AFF1: variants seen among roughly 807,000 people sequenced by gnomAD.
AFF1 encodes ALF transcription elongation factor 1.
In AFF1, 48 loss-of-function variants were observed where a neutral mutation model predicts 121.7. The ratio of observed to expected loss-of-function variants is 0.39; its 90% CI spans 0.31 to 0.50. AFF1 has a LOEUF of 0.50. Among genes scored for constraint, AFF1 ranks in the 20% least tolerant of loss-of-function variants. The probability of loss-of-function intolerance (pLI) is 0.76; values close to 1 mark genes in which losing one functional copy is unlikely to be tolerated. For missense variants in AFF1, 1,523 were observed against 1,511.7 expected, an observed-to-expected ratio of 1.01 and a Z score of -0.12; for synonymous variants, 613 against 563.0, an observed-to-expected ratio of 1.09 and a Z score of -1.26.
intron 2 of AFF1, among the ~76,000 whole-genome samples, chr4:86,989,757 C>G (rs1036811953): frequency 6.6e-6 from 1 of 152,098 alleles, no homozygotes; most frequent in Non-Finnish European, 1.5e-5. Context: ...TTCACAATAG[C>G]AAAGACTTGG....
intron 4 of AFF1, among the ~76,000 whole-genome samples, chr4:87,054,271 T>A (rs1173240377): frequency 6.6e-6 from 1 of 152,156 alleles, no homozygotes; most frequent in Non-Finnish European, 1.5e-5. Flanking sequence ...CACAGGGAGC[T>A]ACAGGGGCCC....
chr4:86,949,359 C>T (rs1390981232), intron 2 of AFF1, among the ~76,000 whole-genome samples: 5 of 150,294 alleles, frequency 3.3e-5, no homozygotes, highest in African/African-American at 1.2e-4. Context: ...AGGTGATCCC[C>T]CTGCCTCGGC....
chr4:87,045,366 A>G (rs563012250), intron 2 of AFF1, among the ~76,000 whole-genome samples: 10 of 151,758 alleles, frequency 6.6e-5, no homozygotes, highest in East Asian at 5.9e-4. Flanking sequence ...GGTGCTGACA[A>G]TGAGGCAGGT....
intron 2 of AFF1, among the ~76,000 whole-genome samples, chr4:87,029,725 A>C (rs1165028386): frequency 2.0e-5 from 3 of 152,088 alleles, no homozygotes; most frequent in Non-Finnish European, 2.9e-5. Context: ...TTGTAGTGTT[A>C]AGTCCGTTAT....
intron 11 of AFF1, among the ~76,000 whole-genome samples, chr4:87,108,703 A>G (rs1726174463): frequency 6.6e-6 from 1 of 152,236 alleles, no homozygotes; most frequent in Admixed American, 6.5e-5. Flanking sequence ...AATTTTAGAA[A>G]TGCATGAATT....
In AFF1 at chr4:87,062,954, A is replaced by G. The variant is rs76023837; in HGVS notation, c.1059+15360A>G. The stretch of plus-strand genomic sequence containing the variant: ...TGGTTAAAAGCATGGATTTGGGATT[A>G]AGGAAGACTTGGGTTTGAATCTTGT... On this transcript the variant is annotated intron_variant, in intron 4 of 20. Coordinates refer to ENST00000395146, the MANE Select transcript of AFF1 (RefSeq NM_001166693.3). Among the ~76,000 whole-genome samples, 1,046 of 152,298 alleles carry G rather than the reference A, an allele frequency of 6.9e-3. 13 individuals carry two copies. Among genetic ancestry groups the G allele is most frequent in the African/African-American group, 0.024 (993 of 41,558 alleles).
intron 4 of AFF1, among the ~76,000 whole-genome samples, chr4:87,049,189 A>G (rs1273545557): frequency 6.6e-6 from 1 of 151,984 alleles, no homozygotes; most frequent in Non-Finnish European, 1.5e-5. Context: ...AAATATTTGC[A>G]TTGTCTACCA....
At position 86,951,751 on chromosome 4, in the gene AFF1, A is replaced by G. The variant is rs537701416; in HGVS notation, c.38+3180A>G. On this transcript the variant is annotated intron_variant, in intron 2 of 20. Coordinates refer to ENST00000395146, the MANE Select transcript of AFF1 (RefSeq NM_001166693.3). The stretch of plus-strand genomic sequence containing the variant: ...ATTCTCCTGCCTCAGCCTCCTGAGT[A>G]GCTGGGACTACAGGCACACCATGCC... Among the ~76,000 whole-genome samples, 149 of 150,424 alleles carry G rather than the reference A, an allele frequency of 9.9e-4. 1 individual carries two copies. Among genetic ancestry groups the G allele is most frequent in the African/African-American group, 3.5e-3 (144 of 40,784 alleles).
intron 2 of AFF1, chr4:87,007,046 G>C: frequency 1.7e-6 from 2 of 1,185,694 alleles, no homozygotes; most frequent in South Asian, 2.8e-5. Context: ...GGCAGGCGTT[G>C]GGCGCCGGCG....
At chr4:86,960,437 G>A (rs1416958121) in intron 2 of AFF1, among the ~76,000 whole-genome samples, 1 of 152,180 alleles carries the variant, frequency 6.6e-6, no homozygotes, top group African/African-American at 2.4e-5. Flanking sequence ...CCGACATCAG[G>A]AGGAAAACTC....
intron 2 of AFF1, among the ~76,000 whole-genome samples, chr4:86,983,596 A>G (rs1014307405): frequency 1.3e-5 from 2 of 152,056 alleles, no homozygotes; most frequent in African/African-American, 2.4e-5. Context: ...ATGGTGGTGC[A>G]CGTCTTTAAT....
intron 1 of AFF1, among the ~76,000 whole-genome samples, chr4:86,945,113 A>G (rs995602762): frequency 6.6e-6 from 1 of 152,148 alleles, no homozygotes; most frequent in Non-Finnish European, 1.5e-5. Flanking sequence ...TGTGCTAGGT[A>G]TTTTAGCTAG....
intron 2 of AFF1, among the ~76,000 whole-genome samples, chr4:86,971,885 C>A (rs1467173129): frequency 1.3e-5 from 2 of 152,066 alleles, no homozygotes; most frequent in Admixed American, 1.3e-4. Context: ...GCCTATTATC[C>A]CAGCACTTGG....
chr4:86,938,858 A>G (rs1720245521), intron 1 of AFF1, among the ~76,000 whole-genome samples: 1 of 152,244 alleles, frequency 6.6e-6, no homozygotes, highest in Non-Finnish European at 1.5e-5. Context: ...TTAGGACAGA[A>G]CTTCAGTAGT....
intron 2 of AFF1, among the ~76,000 whole-genome samples, chr4:87,026,630 T>TTC (rs938992230): frequency 6.6e-6 from 1 of 152,246 alleles, no homozygotes; most frequent in Admixed American, 6.5e-5. Context: ...GAGGCCAGAC[T>TTC]TCTAAAAGAG....
intron 2 of AFF1, among the ~76,000 whole-genome samples, chr4:86,985,166 A>AATATGTATT (rs1724112143): frequency 2.3e-5 from 2 of 88,468 alleles, no homozygotes; most frequent in African/African-American, 1.0e-4. Flanking sequence ...AATATAATAT[A>AATATGTATT]TATAATATGT....
chr4:86,964,588 C>T (rs1039651173), intron 2 of AFF1, among the ~76,000 whole-genome samples: 1 of 152,006 alleles, frequency 6.6e-6, no homozygotes, highest in Admixed American at 6.6e-5. Context: ...GCATGTGCCA[C>T]TATGCCCGGC....
intron 10 of AFF1, among the ~76,000 whole-genome samples, chr4:87,107,220 GTTAT>G (rs759823630): frequency 9.2e-5 from 14 of 152,152 alleles, no homozygotes; most frequent in Non-Finnish European, 1.6e-4. Flanking sequence ...TCTAATATGT[GTTAT>G]TTATGAATCT....
chr4:86,936,623 C>T (rs941480679), intron 1 of AFF1: 1 of 152,166 alleles, frequency 6.6e-6, no homozygotes, highest in Non-Finnish European at 1.5e-5. Flanking sequence ...GGCCCTGTTT[C>T]AGTGTTTACT....
Sources: allele counts gnomAD v4.1 joint callset (sites outside exome capture counted in the v4.1 genomes callset), GRCh38; gene constraint gnomAD v4.1.1; transcripts MANE v1.5; gene names NCBI Gene and HGNC (gene_info 2026-07-23, HGNC 2026-07-21).